Variants in B4GALNT4 observed in about 807,000 individuals in gnomAD.
The protein encoded by B4GALNT4 is beta-1,4-N-acetyl-galactosaminyltransferase 4.
B4GALNT4 carries 77 observed loss-of-function variants against 110.0 expected under a neutral mutation model. That is an observed-to-expected ratio of 0.70 (90% CI 0.58 to 0.85). The LOEUF (loss-of-function observed/expected upper bound fraction) is 0.85, where lower values mean the gene tolerates loss of function less well. Ranked by LOEUF, B4GALNT4 falls within the 40% of genes least tolerant of loss-of-function variation. The pLI is 0.00. For synonymous variants in B4GALNT4, 785 were observed against 655.5 expected, an observed-to-expected ratio of 1.20 and a Z score of -3.02; for missense variants, 1,575 against 1,506.0, an observed-to-expected ratio of 1.05 and a Z score of -0.76.
rs1456689934 is a variant in B4GALNT4 at position 376,671 on chromosome 11, T to C, written c.1548T>C (p.Pro516=). Residue 516 remains proline, a synonymous_variant, in exon 14 of 20, where the codon CCT becomes CCC. Coordinates refer to ENST00000329962, the MANE Select transcript of B4GALNT4 (RefSeq NM_178537.5). ...LFLGRAPPPR[P]AVEQPPPKVY... Reference sequence around the variant, plus strand: ...TGGGCCGAGCTCCGCCCCCGCGCCCTGCAGTGGAGCAGCCGCCCCCAAAGG... The same window carrying C: ...TGGGCCGAGCTCCGCCCCCGCGCCCCGCAGTGGAGCAGCCGCCCCCAAAGG... 11 of 1,427,466 alleles carry C rather than the reference T, an allele frequency of 7.7e-6. No individual in the cohort carries two copies. Among genetic ancestry groups the C allele is most frequent in the Non-Finnish European group, 1.0e-5 (11 of 1,094,576 alleles). 88.4% of individuals were successfully genotyped at this position (1,427,466 alleles called of 1,614,324 possible). A position where few individuals can be genotyped will look rare whatever the true frequency, so the allele number is the denominator to read the frequency against.
Position 376,517 on chromosome 11 carries a change from C to G in B4GALNT4, c.1394C>G (p.Ala465Gly), listed in dbSNP as rs772003661. The G allele has an allele frequency of 1.5e-5, 22 of 1,490,488 alleles. No individual in the cohort carries two copies. In the East Asian group the frequency reaches 5.3e-4, roughly 36 times the overall value. The allele number at this position is 1,490,488 out of a possible 1,614,324, so 92.3% of individuals were successfully genotyped here. A position where few individuals can be genotyped will look rare whatever the true frequency, so the allele number is the denominator to read the frequency against. ...PRSGPQSPAPAAPAQPGATLA... is the reference protein window; with the variant it reads ...PRSGPQSPAPGAPAQPGATLA... ...AGCGGCCCCCAGTCCCCCGCCCCAG[C>G]AGCCCCCGCCCAGCCCGGAGCCACC... Residue 465 changes from alanine to glycine, a missense_variant, in exon 14 of 20, where the codon GCA becomes GGA. Transcript: ENST00000329962.
Position 381,841 on chromosome 11 carries a change from G to A in B4GALNT4, c.*49G>A. 1.3e-6 allele frequency: 2 copies of A among 1,523,078 alleles called. No homozygotes were observed. Among genetic ancestry groups the A allele is most frequent in the East Asian group, 5.1e-5 (2 of 38,888 alleles). 94.3% of individuals were successfully genotyped at this position (1,523,078 alleles called of 1,614,324 possible). A position where few individuals can be genotyped will look rare whatever the true frequency, so the allele number is the denominator to read the frequency against. On this transcript the variant is annotated 3_prime_UTR_variant, in exon 20 of 20. Transcript: ENST00000329962. ...CGGTGGGAGTCCCGAGGCAGCTGCT[G>A]GGGGCTGGGCTTTGAGCTCGGTCCC... is the stretch of plus-strand genomic sequence containing the variant.
At position 369,872 on chromosome 11, in the gene B4GALNT4, C is replaced by T. The variant is rs1400209430; in HGVS notation, c.69C>T (p.Ser23=). 5.0e-6 allele frequency: 5 copies of T among 995,704 alleles called. No individual in the cohort carries two copies. The highest frequency in any genetic ancestry group is 6.0e-6 in the Non-Finnish European group (5 of 837,748). 61.7% of individuals were successfully genotyped at this position (995,704 alleles called of 1,614,324 possible). The change falls in exon 1 of 20, where the codon AGC becomes AGT. Residue 23 remains serine, a synonymous_variant. Transcript: ENST00000329962. ...TGCTGCTGCTGCTGCTGCTGCTGAG[C>T]TGCGCCGCGTGGCTCACCTACGTGC... ...MKLLLLLLLL[S]CAAWLTYVHL...
rs1344779945 is a variant in B4GALNT4 at position 380,196 on chromosome 11, G to A, written c.2709G>A (p.Ala903=). The change falls in exon 17 of 20, where the codon GCG becomes GCA. Residue 903 remains alanine, a synonymous_variant. Coordinates refer to ENST00000329962, the MANE Select transcript of B4GALNT4 (RefSeq NM_178537.5). The stretch of plus-strand genomic sequence containing the variant: ...CCGGGCTGCAGGCGGGAGTGGACGC[G>A]GTAGAGGTCCGAGGGCCCCATGGGG... ...RSAGLQAGVD[A]VEDASSIVFL... is the part of the protein sequence containing the mutation. 6.2e-7 allele frequency: 1 copy of A among 1,603,374 alleles called. No homozygotes were observed. Among genetic ancestry groups the A allele is most frequent in the South Asian group, 1.1e-5 (1 of 90,266 alleles).
At position 376,331 on chromosome 11, in the gene B4GALNT4, T is replaced by G. The variant is rs149045708; in HGVS notation, c.1277T>G (p.Phe426Cys). 1 of 1,609,028 alleles carries G rather than the reference T, an allele frequency of 6.2e-7. No homozygotes were observed. Among genetic ancestry groups the G allele is most frequent in the Admixed American group, 1.7e-5 (1 of 59,794 alleles). The part of the protein sequence containing the change: ...DEEDEVQRRA[F>C]LFLNPDDFLD... ...GAAGACGAGGTGCAGCGCCGAGCCT[T>G]CCTCTTCCTCAACCCGGACGGTGAG... Residue 426 changes from phenylalanine to cysteine, a missense_variant, in exon 13 of 20, where the codon TTC becomes TGC. Phe to Cys is a radical substitution (Grantham distance 205, BLOSUM62 -2). Coordinates refer to ENST00000329962, the MANE Select transcript of B4GALNT4 (RefSeq NM_178537.5).
In B4GALNT4 at chr11:377,212, C is replaced by T. The variant is rs1372552847; in HGVS notation, c.2089C>T (p.Arg697Cys). 6.3e-7 allele frequency: 1 copy of T among 1,595,066 alleles called. No homozygotes were observed. The highest frequency in any genetic ancestry group is 8.5e-7 in the Non-Finnish European group (1 of 1,171,910). Residue 697 changes from arginine to cysteine, a missense_variant, in exon 14 of 20, where the codon CGC becomes TGC. By Grantham distance (180) the Arg-to-Cys change is radical. Transcript: ENST00000329962. Reference protein sequence around the residue: ...SVGAVDFELLRSDWNDLRCNV... With the variant: ...SVGAVDFELLCSDWNDLRCNV... ...GGGCGCCGTGGACTTCGAGCTGCTG[C>T]GCTCGGACTGGAACGACCTGCGATG...
rs766958188 is a variant in B4GALNT4, at chr11:376,735, C to G, written c.1612C>G (p.Pro538Ala). 3 of 1,396,566 alleles carry G rather than the reference C, an allele frequency of 2.1e-6. No homozygotes were observed. The highest frequency in any genetic ancestry group is 3.1e-5 in the African/African-American group (2 of 65,554). The allele number at this position is 1,396,566 out of a possible 1,614,324, so 86.5% of individuals were successfully genotyped here. Residue 538 changes from proline (P) to alanine (A), a missense_variant, in exon 14 of 20, where the codon CCC (proline) becomes GCC (alanine). Coordinates refer to ENST00000329962, the MANE Select transcript of B4GALNT4 (RefSeq NM_178537.5). ...TRVRPGQRAS[P>A]RAPAPRAPWP... ...GGTGCGGCCGGGACAGCGGGCATCC[C>G]CCCGGGCCCCAGCGCCGCGTGCGCC...
At chr11:381,047 C>T (rs1846865872) in intron 19 of B4GALNT4, 96 bp downstream of exon 19, 9 of 1,513,358 alleles carry the variant, frequency 5.9e-6, no homozygotes, top group African/African-American at 1.4e-5. Flanking sequence ...ACGGCGCCCA[C>T]ATGCTGAGAG....
rs1030608617 is a variant in B4GALNT4, at chr11:372,277, G to C, written c.255+65G>C. ...GAGACCCCGAAGCCACTTGTGTGTT[G>C]GTGTCTTGAGAACCTGTCCATTCTG... is the stretch of plus-strand genomic sequence containing the variant. On this transcript the variant is annotated intron_variant, in intron 2 of 19. Coordinates refer to ENST00000329962, the MANE Select transcript of B4GALNT4 (RefSeq NM_178537.5). 5 of 1,441,942 alleles carry C rather than the reference G, an allele frequency of 3.5e-6. No individual in the cohort carries two copies. In the African/African-American group the frequency reaches 7.1e-5, roughly 20 times the overall value. 89.3% of individuals were successfully genotyped at this position (1,441,942 alleles called of 1,614,324 possible).
chr11:373,786 G>T lies in B4GALNT4; in HGVS notation c.741G>T (p.Leu247=). 6 of 1,612,292 alleles carry T rather than the reference G, an allele frequency of 3.7e-6. No homozygotes were observed. Among genetic ancestry groups the T allele is most frequent in the Non-Finnish European group, 5.1e-6 (6 of 1,179,862 alleles). Residue 247 remains leucine (L), a synonymous_variant, in exon 8 of 20, where the codon CTG becomes CTT. Coordinates refer to ENST00000329962, the MANE Select transcript of B4GALNT4 (RefSeq NM_178537.5). The stretch of plus-strand genomic sequence containing the variant: ...CCCGGAGGTACTACTTTGAGTTGCT[G>T]CACAAGCAGGACGACCGCGGCTCGG... ...MASRRYYFEL[L]HKQDDRGSDH... is the part of the protein sequence containing the mutation.
At chr11:379,191 G>A (rs1011433263) in intron 14 of B4GALNT4, among the ~76,000 whole-genome samples, 1 of 152,216 alleles carries the variant, frequency 6.6e-6, no homozygotes, top group Non-Finnish European at 1.5e-5. Context: ...AGGTGAGGAT[G>A]GGCCTGGGCT....
intron 2 of B4GALNT4, among the ~76,000 whole-genome samples, 153 bp from the exon 3 acceptor site, chr11:372,509 G>A: frequency 6.6e-6 from 1 of 151,946 alleles, no homozygotes; most frequent in Non-Finnish European, 1.5e-5. Flanking sequence ...TGTGCCAGGT[G>A]CCACAGGTCA....
chr11:372,885 G>T lies in B4GALNT4; in HGVS notation c.382G>T (p.Asp128Tyr). The T allele has an allele frequency of 6.2e-7, 1 of 1,612,088 alleles. No homozygotes were observed. ...GCAGGTGAACCTGCACGTGTTTGAG[G>T]ACTGGTGTGGGGGCGCCGTGGGCCA... ...KGQVNLHVFE[D>Y]WCGGAVGHLR... Residue 128 changes from aspartate to tyrosine, a missense_variant, in exon 4 of 20, where the codon GAC becomes TAC. Physicochemically the swap from Asp to Tyr is radical, Grantham distance 160. Coordinates refer to ENST00000329962, the MANE Select transcript of B4GALNT4 (RefSeq NM_178537.5).
chr11:371,931 G>A (rs1376243838), intron 1 of B4GALNT4, among the ~76,000 whole-genome samples, 178 bp from the exon 2 acceptor site: 1 of 152,224 alleles, frequency 6.6e-6, no homozygotes, highest in Non-Finnish European at 1.5e-5. Flanking sequence ...CCTTGCTGGG[G>A]GGAGGGGCAT....
At position 373,112 on chromosome 11, in the gene B4GALNT4, G is replaced by C; in HGVS notation, c.531G>C (p.Arg177Ser). The change falls in exon 5 of 20, where the codon AGG (arginine) becomes AGC (serine). Residue 177 changes from arginine to serine, a missense_variant. Arg to Ser is a moderately radical substitution (Grantham distance 110, BLOSUM62 -1). Transcript: ENST00000329962. ...LRIFGFIHPARDGDVQFSVAS... is the reference protein window; with the variant it reads ...LRIFGFIHPASDGDVQFSVAS... ...TTTTTGGTTTCATCCACCCGGCGAG[G>C]GACGGTACGGGGGTGAGGGTGCCCC... The C allele has an allele frequency of 6.2e-7, 1 of 1,612,632 alleles. No homozygotes were observed. The highest frequency in any genetic ancestry group is 1.3e-5 in the African/African-American group (1 of 74,994).
chr11:380,147 G>A lies in B4GALNT4; in HGVS notation c.2660G>A (p.Arg887Gln), dbSNP rs761242637. The change falls in exon 17 of 20, where the codon CGA (arginine) becomes CAA (glutamine). Residue 887 changes from arginine to glutamine, a missense_variant. Physicochemically the swap from Arg to Gln is conservative, Grantham distance 43. Coordinates refer to ENST00000329962, the MANE Select transcript of B4GALNT4 (RefSeq NM_178537.5). Reference protein sequence around the residue: ...ARLPRYQYLRRTGNFERSAGL... With the variant: ...ARLPRYQYLRQTGNFERSAGL... ...CTCCCCAGGTACCAGTACCTGAGAC[G>A]AACCGGGAACTTCGAGCGCTCCGCC... 9 of 1,603,738 alleles carry A rather than the reference G, an allele frequency of 5.6e-6. No individual in the cohort carries two copies. The highest frequency in any genetic ancestry group is 5.5e-5 in the South Asian group (5 of 90,420).
At position 373,829 on chromosome 11, in the gene B4GALNT4, G is replaced by A. The variant is rs1341522549; in HGVS notation, c.783+1G>A. ...CGGCTCGGACCACGTGGAAGTGGGC[G>A]TGAGTGCCTTCCTCCCCTGGGGGCT... On this transcript the variant is annotated splice_donor_variant, in intron 8 of 19. Transcript: ENST00000329962. LOFTEE classifies it high-confidence loss of function. 3.1e-6 allele frequency: 5 copies of A among 1,611,512 alleles called. No individual in the cohort carries two copies. Among genetic ancestry groups the A allele is most frequent in the South Asian group, 1.1e-5 (1 of 91,080 alleles).
At chr11:375,334 A>G in intron 8 of B4GALNT4, 127 bp from the exon 9 acceptor site, 1 of 983,192 alleles carries the variant, frequency 1.0e-6, no homozygotes, top group East Asian at 2.4e-5. Context: ...CCCCTCTGCC[A>G]TCTCCTCTCC....
chr11:381,192 A>G (rs1846868452), intron 19 of B4GALNT4: 1 of 966,896 alleles, frequency 1.0e-6, no homozygotes, highest in Non-Finnish European at 1.2e-6. Context: ...TCTGCCCCCG[A>G]TCCCATAGGC....
Sources: allele counts gnomAD v4.1 joint callset (sites outside exome capture counted in the v4.1 genomes callset), GRCh38; gene constraint gnomAD v4.1.1; transcripts MANE v1.5; gene names NCBI Gene and HGNC (gene_info 2026-07-23, HGNC 2026-07-21).